The following RBFOX1 variants were observed in gnomAD, a reference collection of about 807,000 sequenced individuals.
RBFOX1 encodes the protein RNA binding fox-1 homolog 1, also known as RNA binding protein fox-1 homolog 1.
A neutral mutation model predicts 57.7 loss-of-function variants in RBFOX1; 8 were observed. The observed-to-expected ratio is 0.14, with a 90% CI of 0.08 to 0.25. The LOEUF (loss-of-function observed/expected upper bound fraction) is 0.25, where lower values mean the gene tolerates loss of function less well. Among genes scored for constraint, RBFOX1 ranks in the 10% least tolerant of loss-of-function variants. The pLI is 1.00. For synonymous variants in RBFOX1, 326 were observed against 222.4 expected (o/e 1.47, Z -4.15); for missense variants, 611 against 548.5 (o/e 1.11, Z -1.14).
chr16:7,187,808 G>A (rs562312273), intron 4 of RBFOX1, among the ~76,000 whole-genome samples: 19 of 150,004 alleles, frequency 1.3e-4, no homozygotes, highest in Middle Eastern at 7.0e-3. Context: ...TTTTCTTAAT[G>A]GTGAGAAATT....
chr16:5,806,566 A>G (rs1469675505), intron 3 of RBFOX1, among the ~76,000 whole-genome samples: 2 of 152,210 alleles, frequency 1.3e-5, no homozygotes, highest in East Asian at 3.9e-4. Flanking sequence ...AGGGAGCACC[A>G]GAGTTCCAAC....
chr16:7,273,073 TCCATC>T, intron 4 of RBFOX1, among the ~76,000 whole-genome samples: 1 of 115,276 alleles, frequency 8.7e-6, no homozygotes, highest in African/African-American at 3.6e-5. Context: ...CCTCCCTCCT[TCCATC>T]CTTCCGCTCT....
intron 2 of RBFOX1, among the ~76,000 whole-genome samples, chr16:6,335,910 C>T (rs2083595396): frequency 6.6e-6 from 1 of 150,476 alleles, no homozygotes; most frequent in South Asian, 2.1e-4. Context: ...CATTGTTCTC[C>T]AGGTATTGCC....
chr16:6,854,647 T>G (rs1029177499), intron 3 of RBFOX1, among the ~76,000 whole-genome samples: 14 of 130,536 alleles, frequency 1.1e-4, no homozygotes, highest in Non-Finnish European at 2.0e-4. Flanking sequence ...CAGGCTGGAG[T>G]GCAGTGGCGC....
intron 14 of RBFOX1, among the ~76,000 whole-genome samples, chr16:7,704,908 A>T (rs894236429): frequency 2.6e-5 from 4 of 152,066 alleles, no homozygotes; most frequent in African/African-American, 9.7e-5. Context: ...TTAGCCACGT[A>T]TGGTGATGGG....
intron 3 of RBFOX1, among the ~76,000 whole-genome samples, chr16:6,859,631 C>T (rs138690088): frequency 1.3e-5 from 2 of 152,076 alleles, no homozygotes; most frequent in African/African-American, 2.4e-5. Context: ...GTGTCGATAA[C>T]CTCCATGGAA....
chr16:5,597,999 A>C (rs1015072455), intron 2 of RBFOX1, among the ~76,000 whole-genome samples: 3 of 152,168 alleles, frequency 2.0e-5, no homozygotes, highest in African/African-American at 7.2e-5. Flanking sequence ...GTGAAAATGC[A>C]CAAGAAATAC....
chr16:7,478,318 G>A (rs1567390327), intron 4 of RBFOX1, among the ~76,000 whole-genome samples: 4 of 152,178 alleles, frequency 2.6e-5, no homozygotes, highest in Non-Finnish European at 4.4e-5. Context: ...TAGCTAAAAG[G>A]GATAGCAAGA....
chr16:6,491,804 G>A (rs905134889), intron 2 of RBFOX1, among the ~76,000 whole-genome samples: 5 of 152,186 alleles, frequency 3.3e-5, no homozygotes, highest in Admixed American at 1.3e-4. Flanking sequence ...TTGAGGCTTC[G>A]AAGTCCCTTT....
At chr16:6,365,183 C>G (rs1468543608) in intron 2 of RBFOX1, among the ~76,000 whole-genome samples, 1 of 152,148 alleles carries the variant, frequency 6.6e-6, no homozygotes, top group Non-Finnish European at 1.5e-5. Flanking sequence ...TGGTAGGGCC[C>G]TCTCTTCTTA....
At chr16:7,007,731 C>A (rs1292320776) in intron 3 of RBFOX1, among the ~76,000 whole-genome samples, 1 of 152,116 alleles carries the variant, frequency 6.6e-6, no homozygotes, top group Non-Finnish European at 1.5e-5. Flanking sequence ...GGTAAACTCC[C>A]ATGAAAATCA....
In RBFOX1 at chr16:5,375,121, G is replaced by A. The variant is rs186430161; in HGVS notation, c.220-92095G>A. The stretch of plus-strand genomic sequence containing the variant: ...AAAAAAAAAAAAAAAAAATAGGTGT[G>A]CGGGTTTGTCAAATGCTAGGTTACA... On this transcript the variant is annotated intron_variant, in intron 1 of 2. Coordinates refer to the RBFOX1 transcript ENST00000585867. 3.9e-3 allele frequency among the ~76,000 whole-genome samples: 592 copies of A among 150,196 alleles called. 1 individual carries two copies. The highest frequency in any genetic ancestry group is 0.014 in the African/African-American group (563 of 40,758).
intron 1 of RBFOX1, among the ~76,000 whole-genome samples, chr16:5,377,703 C>CGT (rs765489345): frequency 6.6e-6 from 1 of 151,358 alleles, no homozygotes; most frequent in Non-Finnish European, 1.5e-5. Context: ...CAGGGGAAGG[C>CGT]GTGCAGCCCA....
rs1014241853 is a variant in RBFOX1 at position 7,258,873 on chromosome 16, G to T, written c.27+206775G>T. The stretch of plus-strand genomic sequence containing the variant: ...GATTTAAAATTATTAGGGCTCCTGG[G>T]AAAGGAGAACATTAAAAGTTTGCAG... On this transcript the variant is annotated intron_variant, in intron 4 of 15. Coordinates refer to ENST00000550418, the MANE Select transcript of RBFOX1 (RefSeq NM_018723.4). Among the ~76,000 whole-genome samples the T allele has an allele frequency of 3.9e-5, 6 of 152,132 alleles. No individual in the cohort carries two copies. In the South Asian group the frequency reaches 1.2e-3, roughly 32 times the overall value.
chr16:6,908,582 C>G (rs942487916), intron 3 of RBFOX1, among the ~76,000 whole-genome samples: 1 of 152,188 alleles, frequency 6.6e-6, no homozygotes, highest in Non-Finnish European at 1.5e-5. Flanking sequence ...ATCCATGTGC[C>G]TGGCACAGTG....
chr16:7,228,163 G>T (rs960881685), intron 4 of RBFOX1, among the ~76,000 whole-genome samples: 1 of 152,120 alleles, frequency 6.6e-6, no homozygotes, highest in Non-Finnish European at 1.5e-5. Flanking sequence ...CGCGAGAGCA[G>T]GCATTGTGTC....
At chr16:6,817,173 G>C (rs900249434) in intron 3 of RBFOX1, among the ~76,000 whole-genome samples, 5 of 152,114 alleles carry the variant, frequency 3.3e-5, no homozygotes, top group African/African-American at 1.2e-4. Context: ...CCCTTGACTG[G>C]ACCTGTTATA....
At chr16:6,280,306 G>A (rs1428552391) in intron 1 of RBFOX1, among the ~76,000 whole-genome samples, 1 of 152,070 alleles carries the variant, frequency 6.6e-6, no homozygotes, top group Non-Finnish European at 1.5e-5. Context: ...CACAACTTCT[G>A]GGGCTGCCTT....
chr16:5,455,020 T>TC (rs2068584321), intron 1 of RBFOX1, among the ~76,000 whole-genome samples: 1 of 115,980 alleles, frequency 8.6e-6, no homozygotes, highest in African/African-American at 3.2e-5. Flanking sequence ...TCTTTCTTTC[T>TC]TTCTCTCTCT....
Sources: allele counts gnomAD v4.1 joint callset (sites outside exome capture counted in the v4.1 genomes callset), GRCh38; gene constraint gnomAD v4.1.1; transcripts MANE v1.5; gene names NCBI Gene and HGNC (gene_info 2026-07-23, HGNC 2026-07-21).